Variants in TTC27 observed in about 807,000 individuals in gnomAD.
TTC27 encodes tetratricopeptide repeat domain 27, also known as tetratricopeptide repeat protein 27.
In TTC27, 79 loss-of-function variants were observed where a neutral mutation model predicts 115.9. The ratio of observed to expected loss-of-function variants is 0.68; its 90% CI spans 0.57 to 0.82. TTC27 has a LOEUF of 0.82. Among genes scored for constraint, TTC27 ranks in the 40% least tolerant of loss-of-function variants. The probability of loss-of-function intolerance (pLI) is 0.00; values close to 1 mark genes in which losing one functional copy is unlikely to be tolerated. For missense variants in TTC27, 1,054 were observed against 993.1 expected (o/e 1.06, Z -0.82); for synonymous variants, 401 against 356.0 (o/e 1.13, Z -1.42).
intron 3 of TTC27, among the ~76,000 whole-genome samples, chr2:32,634,688 G>C (rs1664344895): frequency 6.6e-6 from 1 of 151,430 alleles, no homozygotes; most frequent in South Asian, 2.1e-4. Context: ...ACAGAGTCTT[G>C]CTCTGTCACC....
intron 16 of TTC27, among the ~76,000 whole-genome samples, chr2:32,804,021 A>C: frequency 6.6e-6 from 1 of 152,006 alleles, no homozygotes; most frequent in Non-Finnish European, 1.5e-5. Context: ...AAAAAAAAAA[A>C]AAAGAAAAAA....
chr2:32,673,767 G>T (rs2151885086), intron 8 of TTC27, among the ~76,000 whole-genome samples: 1 of 152,186 alleles, frequency 6.6e-6, no homozygotes, highest in East Asian at 1.9e-4. Flanking sequence ...AGCCGAAGCG[G>T]ATGGATCACC....
chr2:32,657,081 GTTCATGCCA>G (rs1301849415), intron 5 of TTC27, among the ~76,000 whole-genome samples: 4 of 151,370 alleles, frequency 2.6e-5, no homozygotes, highest in African/African-American at 9.7e-5. Flanking sequence ...TGCCTCCCAG[GTTCATGCCA>G]TTCTCCTGCT....
chr2:32,703,194 C>T (rs941450045), intron 10 of TTC27, among the ~76,000 whole-genome samples: 2 of 152,160 alleles, frequency 1.3e-5, no homozygotes, highest in African/African-American at 2.4e-5. Flanking sequence ...TTAGGCTGGG[C>T]GCGGTGGCTC....
At chr2:32,765,081 T>C (rs1191330042) in intron 13 of TTC27, among the ~76,000 whole-genome samples, 1 of 152,222 alleles carries the variant, frequency 6.6e-6, no homozygotes, top group Non-Finnish European at 1.5e-5. Flanking sequence ...AATGTTCTTA[T>C]TGGTGAACAT....
At chr2:32,708,184 C>T (rs993256734) in intron 10 of TTC27, among the ~76,000 whole-genome samples, 3 of 151,954 alleles carry the variant, frequency 2.0e-5, no homozygotes, top group Non-Finnish European at 2.9e-5. Context: ...TTCTCCTCCT[C>T]AGCCTACTCG....
chr2:32,632,916 C>G (rs1019237315), intron 2 of TTC27, among the ~76,000 whole-genome samples: 2 of 152,084 alleles, frequency 1.3e-5, no homozygotes, highest in Non-Finnish European at 2.9e-5. Flanking sequence ...TGGAAAAAAA[C>G]AAACATGATA....
At chr2:32,761,503 A>G (rs1301273187) in intron 13 of TTC27, among the ~76,000 whole-genome samples, 2 of 152,110 alleles carry the variant, frequency 1.3e-5, no homozygotes, top group Non-Finnish European at 2.9e-5. Context: ...GACTTTCCCC[A>G]GTATCTAGCT....
rs1217930051 is a variant in TTC27, at chr2:32,817,525, C to T, written c.2377C>T (p.Leu793Phe). 2 of 1,613,922 alleles carry T rather than the reference C, an allele frequency of 1.2e-6. No individual in the cohort carries two copies. Among genetic ancestry groups the T allele is most frequent in the Admixed American group, 1.7e-5 (1 of 60,000 alleles). Residue 793 changes from leucine to phenylalanine, a missense_variant, in exon 19 of 20, where the codon CTC becomes TTC. Transcript: ENST00000317907. Reference sequence around the variant, plus strand: ...TGTACAAATGCTTTCTTCTGTTCGACTCAATTTACGGGGCTTGTTATCTAA... The same window carrying T: ...TGTACAAATGCTTTCTTCTGTTCGATTCAATTTACGGGGCTTGTTATCTAA... The part of the protein sequence containing the change: ...EAVQMLSSVR[L>F]NLRGLLSKAK...
intron 9 of TTC27, among the ~76,000 whole-genome samples, chr2:32,684,964 G>GCAAA (rs1378163813): frequency 1.4e-5 from 2 of 144,132 alleles, no homozygotes; most frequent in African/African-American, 5.1e-5. Flanking sequence ...AACAACAACT[G>GCAAA]CAAATACCTT....
In TTC27 at chr2:32,710,239, T is replaced by C. The variant is rs187829675; in HGVS notation, c.1233+7319T>C. 6.9e-3 allele frequency among the ~76,000 whole-genome samples: 1,050 copies of C among 152,230 alleles called. 8 individuals carry two copies. The highest frequency in any genetic ancestry group is 0.011 in the Admixed American group (173 of 15,280). ...GTTGGTCAGGCTAGTTTTGGCCTTC[T>C]TAATAGAAATAGTGCTAGACTACAT... is the stretch of plus-strand genomic sequence containing the variant. On this transcript the variant is annotated intron_variant, in intron 10 of 19. Transcript: ENST00000317907.
At chr2:32,679,136 A>G (rs1666331124) in intron 9 of TTC27, among the ~76,000 whole-genome samples, 1 of 152,252 alleles carries the variant, frequency 6.6e-6, no homozygotes, top group South Asian at 2.1e-4. Context: ...CTACATGGTC[A>G]TGGTGAAAAA....
intron 13 of TTC27, among the ~76,000 whole-genome samples, chr2:32,773,596 G>C (rs1405864063): frequency 3.3e-5 from 5 of 152,220 alleles, no homozygotes; most frequent in Non-Finnish European, 7.3e-5. Context: ...CCTCTCCTCT[G>C]TCTGTGACTG....
intron 13 of TTC27, among the ~76,000 whole-genome samples, chr2:32,761,991 A>T (rs1394201114): frequency 6.6e-6 from 1 of 152,266 alleles, no homozygotes; most frequent in African/African-American, 2.4e-5. Flanking sequence ...ACATAGCAGC[A>T]GGTCAGCAGA....
At chr2:32,667,249 G>A (rs1665815693) in intron 7 of TTC27, among the ~76,000 whole-genome samples, 1 of 151,666 alleles carries the variant, frequency 6.6e-6, no homozygotes, top group Non-Finnish European at 1.5e-5. Flanking sequence ...ATTATTGGGG[G>A]GGTGGTTGCC....
intron 12 of TTC27, among the ~76,000 whole-genome samples, chr2:32,755,330 C>T (rs759640108): frequency 1.1e-4 from 16 of 152,208 alleles, no homozygotes; most frequent in African/African-American, 2.7e-4. Context: ...TCTGCAATCC[C>T]GGCACCTCGG....
intron 10 of TTC27, among the ~76,000 whole-genome samples, chr2:32,731,347 G>C (rs912187990): frequency 2.6e-5 from 4 of 152,214 alleles, no homozygotes; most frequent in African/African-American, 9.6e-5. Flanking sequence ...CCAAAATGCT[G>C]GGATTACAGG....
intron 13 of TTC27, among the ~76,000 whole-genome samples, chr2:32,760,307 A>G (rs920552131): frequency 6.6e-6 from 1 of 152,184 alleles, no homozygotes; most frequent in African/African-American, 2.4e-5. Context: ...AGAGTATACT[A>G]AGGAATTGGT....
intron 16 of TTC27, among the ~76,000 whole-genome samples, chr2:32,801,705 C>T (rs935709584): frequency 6.6e-5 from 10 of 152,108 alleles, no homozygotes; most frequent in African/African-American, 2.2e-4. Flanking sequence ...CAATACCTCA[C>T]TGGGAGCTGT....
Sources: gnomAD v4.1 joint callset for allele counts (sites outside exome capture counted in the v4.1 genomes callset) on GRCh38, gnomAD v4.1.1 for gene constraint, MANE v1.5 for transcripts, NCBI Gene and HGNC (gene_info 2026-07-23, HGNC 2026-07-21) for gene names.